The following LAMA2 variants were observed in gnomAD, a reference collection of about 807,000 sequenced individuals.
The protein encoded by LAMA2 is laminin subunit alpha-2.
A neutral mutation model predicts 364.8 loss-of-function variants in LAMA2; 269 were observed. That is an observed-to-expected ratio of 0.74 (90% CI 0.67 to 0.82). LAMA2 has a LOEUF of 0.82. LAMA2 is among the 40% of genes least tolerant of loss of function. The pLI is 0.00. For synonymous variants in LAMA2, 1,379 were observed against 1,370.6 expected (o/e 1.01, Z -0.14); for missense variants, 3,807 against 3,873.2 (o/e 0.98, Z 0.45).
chr6:129,328,314 C>T lies in LAMA2; in HGVS notation c.4213C>T (p.Pro1405Ser). 6.2e-7 allele frequency: 1 copy of T among 1,614,176 alleles called. No homozygotes were observed. The highest frequency in any genetic ancestry group is 8.5e-7 in the Non-Finnish European group (1 of 1,180,026). ...LPGFYRLRSQ[P>S]GGRTPGPTLG... The stretch of plus-strand genomic sequence containing the variant: ...GGGATTTTATCGACTGCGTTCTCAA[C>T]CAGGTGGCCGCACCCCTGGACCAAC... The change falls in exon 29 of 65, where the codon CCA becomes TCA. Residue 1405 changes from proline to serine, a missense_variant. Pro to Ser is a moderately conservative substitution (Grantham distance 74, BLOSUM62 -1). This residue lies in a region of LAMA2 where 3,333 missense variants were observed against 3,345.7 expected (regional missense o/e 1.00). Transcript: ENST00000421865.
At chr6:128,923,695 C>T (rs1474612946) in intron 1 of LAMA2, among the ~76,000 whole-genome samples, 2 of 152,142 alleles carry the variant, frequency 1.3e-5, no homozygotes, top group South Asian at 2.1e-4. Context: ...TACTCAATCA[C>T]TAATCTGCTG....
At chr6:128,933,230 CTGTGTGTGTG>C (rs71028134) in intron 1 of LAMA2, among the ~76,000 whole-genome samples, 40 of 146,284 alleles carry the variant, frequency 2.7e-4, no homozygotes, top group Non-Finnish European at 4.0e-4. Flanking sequence ...CCCTCTCTTT[CTGTGTGTGTG>C]TGTGTGTGTG....
intron 63 of LAMA2, 71 bp from the exon 64 acceptor site, chr6:129,514,302 T>C (rs1295575069): frequency 6.5e-6 from 7 of 1,082,606 alleles, no homozygotes; most frequent in Non-Finnish European, 9.9e-6. Context: ...ACCTGATCAT[T>C]TGTATGTGTG....
chr6:129,092,383 T>C (rs1408269790), intron 3 of LAMA2, among the ~76,000 whole-genome samples: 1 of 152,220 alleles, frequency 6.6e-6, no homozygotes, highest in African/African-American at 2.4e-5. Flanking sequence ...GAAAACATGA[T>C]GTCTATGATC....
At chr6:129,146,378 G>T (rs1778432875) in intron 5 of LAMA2, among the ~76,000 whole-genome samples, 1 of 151,778 alleles carries the variant, frequency 6.6e-6, no homozygotes, top group South Asian at 2.1e-4. Context: ...ATATACAAAG[G>T]TAATTGTATG....
At chr6:128,934,892 C>T (rs1407385918) in intron 1 of LAMA2, among the ~76,000 whole-genome samples, 2 of 152,140 alleles carry the variant, frequency 1.3e-5, no homozygotes, top group African/African-American at 4.8e-5. Context: ...GTAATGTGGA[C>T]ATTTTAACAA....
chr6:129,505,442 A>T, intron 61 of LAMA2, 87 bp downstream of exon 61: 1 of 993,580 alleles, frequency 1.0e-6, no homozygotes, highest in Non-Finnish European at 1.6e-6. Flanking sequence ...ACATGGGCCC[A>T]TGAAAACTGA....
Position 129,200,156 on chromosome 6 carries a change from A to G in LAMA2, c.1782+7303A>G, listed in dbSNP as rs527836970. 1.7e-3 allele frequency among the ~76,000 whole-genome samples: 229 copies of G among 137,994 alleles called. 4 individuals carry two copies. The highest frequency in any genetic ancestry group is 4.6e-3 in the South Asian group (18 of 3,888). The allele number at this position is 137,994 out of a possible 152,430, so 90.5% of individuals were successfully genotyped here. On this transcript the variant is annotated intron_variant, in intron 12 of 64. Transcript: ENST00000421865. ...TATACGTGTACACATATACACGTGTATATATATATACGTGTACACATATAC... is the reference window on the plus strand; with the variant it reads ...TATACGTGTACACATATACACGTGTGTATATATATACGTGTACACATATAC...
At chr6:129,346,641 G>C (rs1345558453) in intron 30 of LAMA2, among the ~76,000 whole-genome samples, 1 of 152,088 alleles carries the variant, frequency 6.6e-6, no homozygotes. Context: ...TCAAGAAAAA[G>C]TTAATGAGGG....
intron 12 of LAMA2, among the ~76,000 whole-genome samples, chr6:129,235,165 G>A (rs571943164): frequency 3.3e-5 from 5 of 152,258 alleles, no homozygotes; most frequent in Middle Eastern, 3.4e-3. Flanking sequence ...GGGCCAAGGG[G>A]CTTAGAACCA....
intron 30 of LAMA2, among the ~76,000 whole-genome samples, chr6:129,344,426 T>G (rs1187747984): frequency 6.6e-6 from 1 of 152,170 alleles, no homozygotes; most frequent in African/African-American, 2.4e-5. Context: ...ATGGTGGTGC[T>G]ATTAACTGAA....
At position 128,974,650 on chromosome 6, in the gene LAMA2, T is replaced by A. The variant is rs191159088; in HGVS notation, c.113-75268T>A. ...CACACTCTTCTGCCAATAGTATTAATGCTTTGGGAAATGTTTGAGAAGTGT... is the reference window on the plus strand; with the variant it reads ...CACACTCTTCTGCCAATAGTATTAAAGCTTTGGGAAATGTTTGAGAAGTGT... On this transcript the variant is annotated intron_variant, in intron 1 of 64. Transcript: ENST00000421865. Among the ~76,000 whole-genome samples the A allele has an allele frequency of 1.6e-3, 237 of 152,318 alleles. 1 individual carries two copies. The highest frequency in any genetic ancestry group is 6.8e-3 in the Middle Eastern group (2 of 294).
At chr6:129,253,084 C>T (rs746462305) in intron 14 of LAMA2, among the ~76,000 whole-genome samples, 3 of 150,504 alleles carry the variant, frequency 2.0e-5, no homozygotes, top group African/African-American at 5.0e-5. Flanking sequence ...CAAATATGCT[C>T]GGGTCTGATT....
intron 1 of LAMA2, among the ~76,000 whole-genome samples, chr6:128,995,671 G>T (rs1783891332): frequency 6.6e-6 from 1 of 152,022 alleles, no homozygotes; most frequent in African/African-American, 2.4e-5. Flanking sequence ...CCCCTCTGTT[G>T]TATTGCCCAG....
chr6:129,170,469 A>T (rs370864113), intron 9 of LAMA2, among the ~76,000 whole-genome samples: 1 of 102,234 alleles, frequency 9.8e-6, no homozygotes, highest in African/African-American at 7.3e-5. Flanking sequence ...GTAGTTGAGC[A>T]GTTTTGAGTG....
At chr6:129,074,386 T>C (rs1375743324) in intron 3 of LAMA2, among the ~76,000 whole-genome samples, 5 of 152,232 alleles carry the variant, frequency 3.3e-5, no homozygotes, top group Non-Finnish European at 1.5e-5. Flanking sequence ...CTAATGTTTA[T>C]CTTCTTATCC....
chr6:129,458,747 T>C (rs1716252538), intron 48 of LAMA2, among the ~76,000 whole-genome samples: 1 of 152,030 alleles, frequency 6.6e-6, no homozygotes, highest in South Asian at 2.1e-4. Context: ...CCTAAAACCA[T>C]AGCAGTAGGC....
intron 10 of LAMA2, among the ~76,000 whole-genome samples, chr6:129,185,801 A>G (rs1030734095): frequency 3.3e-5 from 5 of 151,918 alleles, no homozygotes; most frequent in African/African-American, 1.2e-4. Flanking sequence ...ATTATTTACA[A>G]TGGAAAAATG....
chr6:128,947,125 G>A (rs1040458261), intron 1 of LAMA2, among the ~76,000 whole-genome samples: 2 of 152,094 alleles, frequency 1.3e-5, no homozygotes, highest in Admixed American at 1.3e-4. Context: ...GCCTTAATTA[G>A]GTATCTATCC....
Sources: gnomAD v4.1 joint callset for allele counts (sites outside exome capture counted in the v4.1 genomes callset) on GRCh38, gnomAD v4.1.1 for gene constraint, gnomAD v4.1.1 regional missense constraint, MANE v1.5 for transcripts, NCBI Gene and HGNC (gene_info 2026-07-23, HGNC 2026-07-21) for gene names.